The following TWF1 variants were observed in gnomAD, a reference collection of about 807,000 sequenced individuals.
The protein encoded by TWF1 is twinfilin actin binding protein 1, also known as twinfilin-1.
TWF1 carries 14 observed loss-of-function variants against 47.9 expected under a neutral mutation model. The observed-to-expected ratio is 0.29, with a 90% CI of 0.19 to 0.46. The LOEUF (loss-of-function observed/expected upper bound fraction) is 0.46, where lower values mean the gene tolerates loss of function less well. Among genes scored for constraint, TWF1 ranks in the 20% least tolerant of loss-of-function variants. The pLI is 1.00. For synonymous variants in TWF1, 96 were observed against 139.2 expected (o/e 0.69, Z 2.18); for missense variants, 281 against 409.3 (o/e 0.69, Z 2.70).
chr12:43,805,869 A>G (rs1942753396), intron 1 of TWF1: 1 of 1,434,308 alleles, frequency 7.0e-7, no homozygotes. Context: ...AGTCGCCTCC[A>G]CTGTCCCAGC....
At chr12:43,798,089 T>A (rs76996796) in intron 5 of TWF1, among the ~76,000 whole-genome samples, 2,560 of 152,248 alleles carry the variant, frequency 0.017, 76 homozygotes, top group African/African-American at 0.058. Context: ...TTTGTTTTTA[T>A]GTTTGGTTTG....
intron 7 of TWF1, 53 bp from the exon 8 acceptor site, chr12:43,797,150 A>C: frequency 6.6e-7 from 1 of 1,513,784 alleles, no homozygotes; most frequent in Non-Finnish European, 9.0e-7. Context: ...CATAAACTTC[A>C]TAAAACTACA....
At chr12:43,801,207 G>C (rs955964347) in intron 3 of TWF1, among the ~76,000 whole-genome samples, 9 of 152,160 alleles carry the variant, frequency 5.9e-5, no homozygotes, top group African/African-American at 2.2e-4. Context: ...TACGAATTAA[G>C]TTGTTAAGAA....
Position 43,793,874 on chromosome 12 carries a change from T to A in TWF1, c.*1711A>T, listed in dbSNP as rs1942506033. The A allele has an allele frequency of 6.6e-6, 1 of 152,660 alleles. No individual in the cohort carries two copies. Among genetic ancestry groups the A allele is most frequent in the African/African-American group, 2.4e-5 (1 of 41,454 alleles). 9.5% of individuals were successfully genotyped at this position (152,660 alleles called of 1,614,324 possible). ...GCCAACTAAAACATACTGTAAACGATGAGTTATACTCTATAACAAATGCAT... is the reference window on the plus strand; with the variant it reads ...GCCAACTAAAACATACTGTAAACGAAGAGTTATACTCTATAACAAATGCAT... On this transcript the variant is annotated 3_prime_UTR_variant, in exon 9 of 9. Transcript: ENST00000395510.
chr12:43,795,593 T>C lies in TWF1; in HGVS notation c.1045A>G (p.Thr349Ala). The change falls in exon 9 of 9, where the codon ACT (threonine) becomes GCT (alanine). Residue 349 changes from threonine to alanine, a missense_variant. Thr to Ala is a moderately conservative substitution (Grantham distance 58). Transcript: ENST00000395510. Reference protein sequence around the residue: ...IRGPAETEATTD With the variant: ...IRGPAETEATAD ...TGTTTAATGTGATGACTTTAATCAG[T>C]AGTAGCTTCAGTTTCCGCTGGGCCC... is the stretch of plus-strand genomic sequence containing the variant. 6.2e-7 allele frequency: 1 copy of C among 1,611,934 alleles called. No homozygotes were observed. Among genetic ancestry groups the C allele is most frequent in the South Asian group, 1.1e-5 (1 of 90,986 alleles).
chr12:43,805,606 A>T (rs1446842630), intron 1 of TWF1: 2 of 476,236 alleles, frequency 4.2e-6, no homozygotes, highest in African/African-American at 2.0e-5. Context: ...CATTACATGC[A>T]ACCATACAGA....
intron 5 of TWF1, chr12:43,798,709 AAATG>A: frequency 9.2e-7 from 1 of 1,089,914 alleles, no homozygotes; most frequent in Non-Finnish European, 1.3e-6. Flanking sequence ...GTTTAATATT[AAATG>A]ATATTCAACC....
intron 8 of TWF1, among the ~76,000 whole-genome samples, chr12:43,796,081 T>C (rs577203953): frequency 4.1e-4 from 62 of 152,200 alleles, no homozygotes; most frequent in Non-Finnish European, 7.9e-4. Context: ...CTTTCATCAC[T>C]TGGGTCACTT....
chr12:43,806,148 G>T, intron 1 of TWF1, 73 bp downstream of exon 1: 3 of 1,490,136 alleles, frequency 2.0e-6, no homozygotes, highest in Non-Finnish European at 2.7e-6. Flanking sequence ...AGCCCTGCCG[G>T]TCCTGCAGCC....
intron 4 of TWF1, 40 bp downstream of exon 4, chr12:43,800,395 T>C: frequency 2.7e-6 from 4 of 1,500,646 alleles, no homozygotes; most frequent in Non-Finnish European, 3.7e-6. Flanking sequence ...CTTTAATCAT[T>C]TTAATTGCAA....
intron 3 of TWF1, 62 bp from the exon 4 acceptor site, chr12:43,800,592 A>G: frequency 2.3e-6 from 3 of 1,300,520 alleles, no homozygotes; most frequent in Non-Finnish European, 1.1e-6. Context: ...AAAAGCAAGC[A>G]CATTCTGAAT....
At chr12:43,798,450 A>C in intron 5 of TWF1, 1 of 953,280 alleles carries the variant, frequency 1.0e-6, no homozygotes, top group Non-Finnish European at 1.5e-6. Context: ...TCTCATTCGC[A>C]GTGTTGCAAC....
chr12:43,804,260 A>G (rs1044799998), intron 2 of TWF1: 65 of 517,464 alleles, frequency 1.3e-4, no homozygotes, highest in Non-Finnish European at 1.4e-4. Flanking sequence ...AAAAAGTAAA[A>G]GAGGAAGAAG....
chr12:43,805,470 A>C, intron 1 of TWF1: 1 of 448,962 alleles, frequency 2.2e-6, no homozygotes, highest in Non-Finnish European at 4.5e-6. Flanking sequence ...GAACTCGTTA[A>C]GTGATCGCGA....
intron 4 of TWF1, among the ~76,000 whole-genome samples, chr12:43,799,963 T>C (rs539393928): frequency 4.6e-5 from 7 of 152,246 alleles, no homozygotes; most frequent in African/African-American, 1.7e-4. Flanking sequence ...CAAAGAGGTC[T>C]ACCTATCATC....
At chr12:43,798,619 C>G (rs776167168) in intron 5 of TWF1, 3 of 1,466,876 alleles carry the variant, frequency 2.0e-6, no homozygotes, top group African/African-American at 3.1e-5. Context: ...CTATCAAACT[C>G]GTAAAAAAAA....
intron 8 of TWF1, among the ~76,000 whole-genome samples, chr12:43,796,024 A>C (rs540327954): frequency 6.6e-6 from 1 of 152,256 alleles, no homozygotes; most frequent in South Asian, 2.1e-4. Flanking sequence ...CTACATTCTC[A>C]AGTTGCTATG....
At chr12:43,798,041 C>G (rs1178758467) in intron 5 of TWF1, among the ~76,000 whole-genome samples, 1 of 152,078 alleles carries the variant, frequency 6.6e-6, no homozygotes, top group African/African-American at 2.4e-5. Context: ...TGGAAGTGAA[C>G]ATTTGAATGA....
chr12:43,798,741 C>T (rs1214071157), intron 5 of TWF1, among the ~76,000 whole-genome samples: 1 of 151,988 alleles, frequency 6.6e-6, no homozygotes, highest in East Asian at 1.9e-4. Context: ...AGACTGATTC[C>T]TACTGTCTGT....
Sources: allele counts gnomAD v4.1 joint callset (sites outside exome capture counted in the v4.1 genomes callset), GRCh38; gene constraint gnomAD v4.1.1; transcripts MANE v1.5; gene names NCBI Gene and HGNC (gene_info 2026-07-23, HGNC 2026-07-21).